Variants in TGFBRAP1 observed in about 807,000 individuals in gnomAD.
The protein encoded by TGFBRAP1 is transforming growth factor-beta receptor-associated protein 1.
A neutral mutation model predicts 83.2 loss-of-function variants in TGFBRAP1; 20 were observed. The observed-to-expected ratio is 0.24, with a 90% CI of 0.17 to 0.35. TGFBRAP1 has a LOEUF of 0.35. Among genes scored for constraint, TGFBRAP1 ranks in the 10% least tolerant of loss-of-function variants. TGFBRAP1 has a pLI of 1.00. For synonymous variants in TGFBRAP1, 415 were observed against 459.8 expected, an observed-to-expected ratio of 0.90 and a Z score of 1.25; for missense variants, 950 against 1,099.4, an observed-to-expected ratio of 0.86 and a Z score of 1.92.
intron 4 of TGFBRAP1, among the ~76,000 whole-genome samples, chr2:105,289,817 G>C (rs550638326): frequency 6.6e-6 from 1 of 152,188 alleles, no homozygotes; most frequent in Admixed American, 6.5e-5. Flanking sequence ...ACACTTCTGA[G>C]TATAGAATTG....
intron 1 of TGFBRAP1, among the ~76,000 whole-genome samples, chr2:105,316,000 C>G (rs963293481): frequency 1.3e-5 from 2 of 152,160 alleles, no homozygotes; most frequent in African/African-American, 4.8e-5. Flanking sequence ...CAGTGGAATA[C>G]TACTTAGAAA....
At position 105,284,299 on chromosome 2, in the gene TGFBRAP1, C is replaced by T. The variant is rs1305198555; in HGVS notation, c.1121+17G>A. 3 of 1,612,890 alleles carry T rather than the reference C, an allele frequency of 1.9e-6. No homozygotes were observed. The South Asian group carries it at 3.3e-5, about 18-fold the overall frequency. On this transcript the variant is annotated intron_variant, in intron 5 of 11. Coordinates refer to ENST00000393359, the MANE Select transcript of TGFBRAP1 (RefSeq NM_004257.6). Reference sequence around the variant, plus strand: ...GGACACTGTAGTGGCAGTCTTGCTACCAGCACCTCAAATTACCTGAAGAGC... The same window carrying T: ...GGACACTGTAGTGGCAGTCTTGCTATCAGCACCTCAAATTACCTGAAGAGC...
At chr2:105,316,460 TGTGCGCGC>T (rs1165697569) in intron 1 of TGFBRAP1, among the ~76,000 whole-genome samples, 73 of 66,926 alleles carry the variant, frequency 1.1e-3, no homozygotes, top group Middle Eastern at 6.3e-3. Context: ...TGTGTGTGTG[TGTGCGCGC>T]GCGCGCGCGC....
chr2:105,310,956 C>T (rs996238644), intron 1 of TGFBRAP1, among the ~76,000 whole-genome samples: 7 of 152,068 alleles, frequency 4.6e-5, no homozygotes, highest in African/African-American at 1.4e-4. Flanking sequence ...ACTCTGGGCA[C>T]CTACAATCAA....
chr2:105,294,122 T>C (rs1409700684), intron 4 of TGFBRAP1, among the ~76,000 whole-genome samples: 1 of 152,206 alleles, frequency 6.6e-6, no homozygotes, highest in African/African-American at 2.4e-5. Context: ...CCATGTCTTG[T>C]CTGTGAAATG....
intron 5 of TGFBRAP1, among the ~76,000 whole-genome samples, chr2:105,283,994 G>A (rs1677629281): frequency 6.6e-6 from 1 of 152,072 alleles, no homozygotes; most frequent in African/African-American, 2.4e-5. Context: ...ACTTTCCTAG[G>A]GGTCCTTTGC....
the TGFBRAP1 span, among the ~76,000 whole-genome samples, chr2:105,250,895 A>G: frequency 1.3e-5 from 2 of 152,184 alleles, no homozygotes; most frequent in African/African-American, 4.8e-5. Flanking sequence ...ACCGCGAGTG[A>G]TCTGCCAGCC....
At position 105,321,091 on chromosome 2, in the gene TGFBRAP1, C is replaced by T. The variant is rs566344153; in HGVS notation, c.-18+8534G>A. On this transcript the variant is annotated intron_variant, in intron 1 of 11. Coordinates refer to ENST00000393359, the MANE Select transcript of TGFBRAP1 (RefSeq NM_004257.6). ...TGATGGCAGGGATCCTGGCTTTAGG[C>T]GTGAGTATCTTTCTTTCTTTGCATC... Among the ~76,000 whole-genome samples, 3 of 152,238 alleles carry T rather than the reference C, an allele frequency of 2.0e-5. No individual in the cohort carries two copies. The South Asian group carries it at 6.2e-4, about 32-fold the overall frequency.
chr2:105,255,707 A>C, the TGFBRAP1 span, among the ~76,000 whole-genome samples: 1 of 152,076 alleles, frequency 6.6e-6, no homozygotes, highest in East Asian at 1.9e-4. Context: ...GTCGCCATCC[A>C]CCTGTGCCAA....
intron 6 of TGFBRAP1, among the ~76,000 whole-genome samples, chr2:105,278,209 A>T (rs1283201551): frequency 6.6e-6 from 1 of 152,144 alleles, no homozygotes; most frequent in Non-Finnish European, 1.5e-5. Context: ...TCCAAAAAGA[A>T]TCTGATTCCA....
rs1677216005 is a variant in TGFBRAP1, at chr2:105,273,055, T to C, written c.1813-41A>G. On this transcript the variant is annotated intron_variant, in intron 9 of 11. Coordinates refer to ENST00000393359, the MANE Select transcript of TGFBRAP1 (RefSeq NM_004257.6). Reference sequence around the variant, plus strand: ...GGAGCCAAGCAGACAGACAGTGTTTTCAAGTGGGAAAGTCAAAGCTCTCCC... The same window carrying C: ...GGAGCCAAGCAGACAGACAGTGTTTCCAAGTGGGAAAGTCAAAGCTCTCCC... The C allele has an allele frequency of 5.0e-6, 8 of 1,595,912 alleles. No individual in the cohort carries two copies. The East Asian group carries it at 1.3e-4, about 27-fold the overall frequency.
intron 3 of TGFBRAP1, 68 bp downstream of exon 3, chr2:105,298,443 A>G: frequency 2.7e-6 from 4 of 1,496,260 alleles, no homozygotes. Flanking sequence ...TTCCTAAATG[A>G]TATTTACCGA....
intron 1 of TGFBRAP1, among the ~76,000 whole-genome samples, chr2:105,322,754 A>G (rs1299442451): frequency 1.3e-5 from 2 of 152,194 alleles, no homozygotes; most frequent in African/African-American, 4.8e-5. Flanking sequence ...AATTCACTCT[A>G]TGATGTTCAT....
Position 105,280,640 on chromosome 2 carries a change from G to A in TGFBRAP1, c.1205C>T (p.Pro402Leu). The change falls in exon 6 of 12, where the codon CCT becomes CTT. Residue 402 changes from proline to leucine, a missense_variant. Coordinates refer to ENST00000393359, the MANE Select transcript of TGFBRAP1 (RefSeq NM_004257.6). ...CAGGTCTGCGTACTCATGAAGAGGA[G>A]GGTGGGACCGGGTGAAGGAGGAGGA... is the stretch of plus-strand genomic sequence containing the variant. The part of the protein sequence containing the change: ...PTSSSFTRSH[P>L]PLHEYADLNQ... 1.2e-6 allele frequency: 2 copies of A among 1,614,192 alleles called. No homozygotes were observed. Among genetic ancestry groups the A allele is most frequent in the East Asian group, 2.2e-5 (1 of 44,882 alleles).
In TGFBRAP1 at chr2:105,280,775, T is replaced by G. The variant is rs769833847; in HGVS notation, c.1122-52A>C. On this transcript the variant is annotated intron_variant, in intron 5 of 11. Coordinates refer to ENST00000393359, the MANE Select transcript of TGFBRAP1 (RefSeq NM_004257.6). ...AAGCAAAAAGAGAGAAGAGTACACA[T>G]AGGCACACAAAACAGCACTGGAGGG... The G allele has an allele frequency of 1.8e-5, 28 of 1,541,060 alleles. No homozygotes were observed. The Admixed American group carries it at 5.3e-4, about 29-fold the overall frequency.
intron 9 of TGFBRAP1, 151 bp downstream of exon 9, chr2:105,273,393 C>A: frequency 9.3e-7 from 1 of 1,073,790 alleles, no homozygotes; most frequent in African/African-American, 1.6e-5. Flanking sequence ...GGTCTCTTTC[C>A]GCAAGCCTCA....
Position 105,304,143 on chromosome 2 carries a change from C to T in TGFBRAP1, c.688+3471G>A, listed in dbSNP as rs186246666. Among the ~76,000 whole-genome samples, 161 of 152,200 alleles carry T rather than the reference C, an allele frequency of 1.1e-3. 1 individual carries two copies. Among genetic ancestry groups the T allele is most frequent in the African/African-American group, 3.6e-3 (151 of 41,532 alleles). Reference sequence around the variant, plus strand: ...ACATATATTTGATATTTAGGAATTACTGTCAGGTTTTTTAGGAATTGTGGT... The same window carrying T: ...ACATATATTTGATATTTAGGAATTATTGTCAGGTTTTTTAGGAATTGTGGT... On this transcript the variant is annotated intron_variant, in intron 2 of 11. Coordinates refer to ENST00000393359, the MANE Select transcript of TGFBRAP1 (RefSeq NM_004257.6).
In TGFBRAP1 at chr2:105,269,178, GAA is replaced by G; in HGVS notation, c.2406+92_2406+93del. 1 of 1,415,614 alleles carries G rather than the reference GAA, an allele frequency of 7.1e-7. No individual in the cohort carries two copies. Among genetic ancestry groups the G allele is most frequent in the Non-Finnish European group, 9.3e-7 (1 of 1,072,392 alleles). 87.7% of individuals were successfully genotyped at this position (1,415,614 alleles called of 1,614,324 possible). A position where few individuals can be genotyped will look rare whatever the true frequency, so the allele number is the denominator to read the frequency against. On this transcript the variant is annotated intron_variant, in intron 11 of 11. Coordinates refer to ENST00000393359, the MANE Select transcript of TGFBRAP1 (RefSeq NM_004257.6). The surrounding 1 kb of genome is among the most constrained non-coding windows in gnomAD (Gnocchi z 4.1). ...GTTGTAGTCATAGAGACAGAAAAAA[GAA>G]AAACCAACAAAGACTATTTTTCCAT...
chr2:105,326,288 A>G (rs930578602), intron 1 of TGFBRAP1, among the ~76,000 whole-genome samples: 23 of 152,198 alleles, frequency 1.5e-4, no homozygotes, highest in African/African-American at 4.8e-4. Flanking sequence ...TATACATCCT[A>G]TAAGAGTACC....
Sources: gnomAD v4.1 joint callset for allele counts (sites outside exome capture counted in the v4.1 genomes callset) on GRCh38, gnomAD v4.1.1 for gene constraint, Gnocchi (gnomAD v3.1) non-coding constraint, MANE v1.5 for transcripts, NCBI Gene and HGNC (gene_info 2026-07-23, HGNC 2026-07-21) for gene names.